Variants in CDK14 observed in about 807,000 individuals in gnomAD.
CDK14 encodes the protein cyclin dependent kinase 14, also known as cyclin-dependent kinase 14.
CDK14 carries 34 observed loss-of-function variants against 60.7 expected under a neutral mutation model. The observed-to-expected ratio is 0.56, with a 90% CI of 0.43 to 0.75. The LOEUF (loss-of-function observed/expected upper bound fraction) is 0.75. Among genes scored for constraint, CDK14 ranks in the 30% least tolerant of loss-of-function variants. CDK14 has a pLI of 0.00. For synonymous variants in CDK14, 197 were observed against 203.7 expected (o/e 0.97, Z 0.28); for missense variants, 482 against 564.1 (o/e 0.85, Z 1.47).
intron 8 of CDK14, among the ~76,000 whole-genome samples, chr7:90,952,042 A>C (rs761134093): frequency 6.6e-6 from 1 of 152,192 alleles, no homozygotes; most frequent in Non-Finnish European, 1.5e-5. Flanking sequence ...CAAAACCAGC[A>C]TTTAAGGGGC....
intron 12 of CDK14, among the ~76,000 whole-genome samples, chr7:91,080,320 C>T (rs1798450549): frequency 6.6e-6 from 1 of 152,112 alleles, no homozygotes. Flanking sequence ...TATTAAAATG[C>T]TGCTAATCCG....
At chr7:90,902,132 A>C (rs556088814) in intron 7 of CDK14, among the ~76,000 whole-genome samples, 2 of 152,232 alleles carry the variant, frequency 1.3e-5, no homozygotes, top group Admixed American at 1.3e-4. Flanking sequence ...TCCTATGATC[A>C]TGGATTAGAC....
intron 5 of CDK14, among the ~76,000 whole-genome samples, chr7:90,843,277 T>A (rs1056583193): frequency 6.6e-6 from 1 of 152,198 alleles, no homozygotes; most frequent in Non-Finnish European, 1.5e-5. Context: ...ACAATTATAG[T>A]TTAATGTAAC....
chr7:90,788,374 C>T (rs1368552250), intron 4 of CDK14, among the ~76,000 whole-genome samples: 3 of 152,146 alleles, frequency 2.0e-5, no homozygotes, highest in Non-Finnish European at 4.4e-5. Context: ...GTGCAGTCTC[C>T]AGCTGAACCC....
intron 2 of CDK14, among the ~76,000 whole-genome samples, chr7:90,664,856 G>C (rs1800941781): frequency 6.6e-6 from 1 of 152,000 alleles, no homozygotes; most frequent in African/African-American, 2.4e-5. Context: ...GAGTTAATTG[G>C]TGCAGCACAC....
At chr7:91,165,951 G>T (rs1350051869) in intron 14 of CDK14, among the ~76,000 whole-genome samples, 1 of 152,160 alleles carries the variant, frequency 6.6e-6, no homozygotes, top group Non-Finnish European at 1.5e-5. Flanking sequence ...GGCTTGGTTA[G>T]CACATGCATA....
At chr7:90,832,342 C>T (rs1789941452) in intron 5 of CDK14, among the ~76,000 whole-genome samples, 1 of 152,140 alleles carries the variant, frequency 6.6e-6, no homozygotes, top group Non-Finnish European at 1.5e-5. Context: ...TCCCCACCTT[C>T]CCTGATGCTT....
chr7:91,182,846 G>A (rs1802046745), intron 14 of CDK14, among the ~76,000 whole-genome samples: 1 of 152,136 alleles, frequency 6.6e-6, no homozygotes, highest in Non-Finnish European at 1.5e-5. Flanking sequence ...GAGATTATTT[G>A]GAGACTCAGT....
chr7:90,634,561 T>C (rs1180064160), intron 2 of CDK14, among the ~76,000 whole-genome samples: 1 of 152,012 alleles, frequency 6.6e-6, no homozygotes, highest in African/African-American at 2.4e-5. Context: ...GTTCCAAGTC[T>C]TTGCTATTGT....
chr7:90,955,827 G>A lies in CDK14; in HGVS notation c.947+10G>A, dbSNP rs759658912. On this transcript the variant is annotated intron_variant, in intron 9 of 14. Transcript: ENST00000380050. ...CCTGCCTTGACATGTGGTGAGAAAT[G>A]GAAGCTTTACTCTAGCTAATCTATC... 8 of 1,612,222 alleles carry A rather than the reference G, an allele frequency of 5.0e-6. No homozygotes were observed. Among genetic ancestry groups the A allele is most frequent in the Middle Eastern group, 1.6e-4 (1 of 6,068 alleles).
intron 5 of CDK14, among the ~76,000 whole-genome samples, chr7:90,795,432 A>T (rs1449499220): frequency 6.6e-6 from 1 of 150,770 alleles, no homozygotes; most frequent in Non-Finnish European, 1.5e-5. Flanking sequence ...ATTTTTATTT[A>T]TTTTTTGTAT....
intron 2 of CDK14, among the ~76,000 whole-genome samples, chr7:90,691,257 A>G (rs924231366): frequency 4.6e-5 from 7 of 152,096 alleles, no homozygotes; most frequent in African/African-American, 1.7e-4. Flanking sequence ...GGAGGCAGAT[A>G]ATAAAGACAC....
At chr7:91,099,759 G>A (rs894748953) in intron 12 of CDK14, among the ~76,000 whole-genome samples, 27 of 152,046 alleles carry the variant, frequency 1.8e-4, no homozygotes, top group African/African-American at 6.5e-4. Flanking sequence ...TTTCATACAG[G>A]GTGGGTTTGT....
At chr7:90,783,015 G>C (rs549075599) in intron 4 of CDK14, among the ~76,000 whole-genome samples, 2 of 152,168 alleles carry the variant, frequency 1.3e-5, no homozygotes, top group South Asian at 4.2e-4. Context: ...AAAATCCTTG[G>C]TTGACAGATT....
chr7:91,052,557 C>G (rs1220717674), intron 11 of CDK14, among the ~76,000 whole-genome samples: 1 of 151,286 alleles, frequency 6.6e-6, no homozygotes, highest in East Asian at 1.9e-4. Flanking sequence ...ATGTATGATA[C>G]TTTCATCTCT....
At chr7:90,649,411 TTCTTTCTTTCCTTCTTTCTTTC>T (rs1800572664) in intron 2 of CDK14, among the ~76,000 whole-genome samples, 3 of 111,696 alleles carry the variant, frequency 2.7e-5, no homozygotes, top group African/African-American at 3.7e-5. Flanking sequence ...CTTTCTTTCT[TTCTTTCTTTCCTTCTTTCTTTC>T]TCTTTCCTTC....
chr7:90,808,165 AG>A (rs1471583207), intron 5 of CDK14, among the ~76,000 whole-genome samples: 2 of 152,208 alleles, frequency 1.3e-5, no homozygotes, highest in Non-Finnish European at 2.9e-5. Context: ...CATAATTGTC[AG>A]GTTCACCAAA....
At chr7:90,913,436 C>T (rs182169655) in intron 7 of CDK14, among the ~76,000 whole-genome samples, 2 of 152,312 alleles carry the variant, frequency 1.3e-5, no homozygotes, top group East Asian at 3.9e-4. Context: ...GAAAAATTAA[C>T]TCACAAAATG....
At chr7:90,857,926 C>T (rs926532682) in intron 5 of CDK14, among the ~76,000 whole-genome samples, 2 of 152,144 alleles carry the variant, frequency 1.3e-5, no homozygotes, top group African/African-American at 4.8e-5. Context: ...CCATTAATGC[C>T]ATTTTTCTGC....
Sources: gnomAD v4.1 joint callset for allele counts (sites outside exome capture counted in the v4.1 genomes callset) on GRCh38, gnomAD v4.1.1 for gene constraint, MANE v1.5 for transcripts, NCBI Gene and HGNC (gene_info 2026-07-23, HGNC 2026-07-21) for gene names.